Variants in NEXN observed in about 807,000 individuals in gnomAD.
NEXN encodes the protein nexilin.
NEXN carries 65 observed loss-of-function variants against 92.6 expected under a neutral mutation model. The ratio of observed to expected loss-of-function variants is 0.70; its 90% CI spans 0.57 to 0.86. The LOEUF is 0.86. Among genes scored for constraint, NEXN ranks in the 40% least tolerant of loss-of-function variants. The pLI, the probability that NEXN is intolerant of heterozygous loss-of-function variation, is 0.00. For synonymous variants in NEXN, 254 were observed against 242.5 expected (o/e 1.05, Z -0.44); for missense variants, 778 against 771.1 (o/e 1.01, Z -0.11).
At chr1:77,930,876 C>T (rs1366809986) in intron 9 of NEXN, among the ~76,000 whole-genome samples, 1 of 152,328 alleles carries the variant, frequency 6.6e-6, no homozygotes, top group East Asian at 1.9e-4. Context: ...TGTATTGTTA[C>T]CACTTATGGC....
In NEXN at chr1:77,943,205, C is replaced by T. The variant is rs1385176841; in HGVS notation, c.*376C>T. On this transcript the variant is annotated 3_prime_UTR_variant, in exon 13 of 13. Transcript: ENST00000334785. ...TTATAAAGACTGTATTTCCCATAGA[C>T]GTTTACAGCAACTATGTTTAAAAAA... 1 of 227,548 alleles carries T rather than the reference C, an allele frequency of 4.4e-6. No homozygotes were observed. The highest frequency in any genetic ancestry group is 8.9e-6 in the Non-Finnish European group (1 of 112,500). 14.1% of individuals were successfully genotyped at this position (227,548 alleles called of 1,614,324 possible). A position where few individuals can be genotyped will look rare whatever the true frequency, so the allele number is the denominator to read the frequency against.
chr1:77,940,442 T>C (rs184833954), intron 11 of NEXN, among the ~76,000 whole-genome samples: 26 of 152,320 alleles, frequency 1.7e-4, no homozygotes, highest in African/African-American at 6.0e-4. Flanking sequence ...TCAAGAAAAG[T>C]TGACAATTGT....
At chr1:77,915,447 G>A (rs191247111) in intron 1 of NEXN, among the ~76,000 whole-genome samples, 21 of 152,234 alleles carry the variant, frequency 1.4e-4, no homozygotes, top group African/African-American at 5.1e-4. Context: ...GGCTAACACG[G>A]TGAAACCCCG....
intron 11 of NEXN, among the ~76,000 whole-genome samples, chr1:77,937,823 T>C (rs773275768): frequency 2.0e-5 from 3 of 152,096 alleles, no homozygotes; most frequent in African/African-American, 2.4e-5. Context: ...AATGGATGGG[T>C]TGGGGATTGG....
intron 3 of NEXN, 95 bp downstream of exon 3, chr1:77,917,852 A>G (rs1014485413): frequency 1.4e-6 from 2 of 1,415,398 alleles, no homozygotes; most frequent in Non-Finnish European, 2.0e-6. Context: ...CACATTAACT[A>G]TAACTAAAAT....
chr1:77,902,334 T>C (rs910999336), intron 1 of NEXN, among the ~76,000 whole-genome samples: 7 of 152,206 alleles, frequency 4.6e-5, no homozygotes, highest in African/African-American at 1.4e-4. Flanking sequence ...TAAATTTTAT[T>C]TGTACATGTA....
rs544770390 is a variant in NEXN, at chr1:77,933,338, A to T, written c.1110A>T (p.Thr370=). The T allele has an allele frequency of 6.2e-7, 1 of 1,610,474 alleles. No individual in the cohort carries two copies. The highest frequency in any genetic ancestry group is 1.3e-5 in the African/African-American group (1 of 74,846). Residue 370 remains threonine (T), a synonymous_variant, in exon 10 of 13, where the codon ACA becomes ACT. Coordinates refer to ENST00000334785, the MANE Select transcript of NEXN (RefSeq NM_144573.4). The part of the protein sequence containing the change: ...MYKTISQEFL[T]PGKLEINFEE... ...AGACAATCTCTCAAGAATTTCTTAC[A>T]CCGGGAAAACTGGAAATTAATTTTG...
chr1:77,942,570 A>C lies in NEXN; in HGVS notation c.1769A>C (p.Asn590Thr). The change falls in exon 13 of 13, where the codon AAC becomes ACC. Residue 590 changes from asparagine (N) to threonine (T), a missense_variant. Asn to Thr is a moderately conservative substitution (Grantham distance 65). Transcript: ENST00000334785. Reference sequence around the variant, plus strand: ...CCATGGTTCAAGAAGCCTCTTAAAAACACATCAGTTGTAGACAGTGAGCCA... The same window carrying C: ...CCATGGTTCAAGAAGCCTCTTAAAACCACATCAGTTGTAGACAGTGAGCCA... ...GAPWFKKPLK[N>T]TSVVDSEPVR... The C allele has an allele frequency of 6.2e-7, 1 of 1,613,830 alleles. No individual in the cohort carries two copies.
At chr1:77,914,386 T>A (rs1648801749) in intron 1 of NEXN, among the ~76,000 whole-genome samples, 1 of 151,962 alleles carries the variant, frequency 6.6e-6, no homozygotes, top group Non-Finnish European at 1.5e-5. Flanking sequence ...TATCTTCTAC[T>A]CAATTTTGCT....
At chr1:77,932,860 A>G (rs1197768472) in intron 9 of NEXN, among the ~76,000 whole-genome samples, 2 of 152,126 alleles carry the variant, frequency 1.3e-5, no homozygotes, top group East Asian at 3.9e-4. Context: ...TTTTTGTTCA[A>G]TGTGAAACCT....
In NEXN at chr1:77,929,523, G is replaced by A; in HGVS notation, c.1053+19G>A. The A allele has an allele frequency of 6.2e-7, 1 of 1,611,426 alleles. No individual in the cohort carries two copies. Among genetic ancestry groups the A allele is most frequent in the South Asian group, 1.1e-5 (1 of 90,684 alleles). ...AAATATGGTAAGACAGAAGCTAACT[G>A]GAGAATGCTATTAGAATTCACCTTT... On this transcript the variant is annotated intron_variant, in intron 9 of 12. Transcript: ENST00000334785.
intron 12 of NEXN, 68 bp downstream of exon 12, chr1:77,942,276 T>G (rs1651408964): frequency 6.5e-7 from 1 of 1,530,116 alleles, no homozygotes; most frequent in Admixed American, 1.7e-5. Flanking sequence ...TATAATTAGG[T>G]AGGTTAAAAA....
intron 11 of NEXN, among the ~76,000 whole-genome samples, chr1:77,940,763 T>C (rs2102172787): frequency 6.6e-6 from 1 of 152,354 alleles, no homozygotes; most frequent in Non-Finnish European, 1.5e-5. Flanking sequence ...AAGCAAATCA[T>C]GGTTTAACAT....
In NEXN at chr1:77,894,714, C is replaced by CT. The variant is rs531856927; in HGVS notation, c.-53+5963dup. Among the ~76,000 whole-genome samples, 808 of 151,242 alleles carry CT rather than the reference C, an allele frequency of 5.3e-3. 4 individuals carry two copies. Among genetic ancestry groups the CT allele is most frequent in the South Asian group, 0.023 (108 of 4,782 alleles). On this transcript the variant is annotated intron_variant, in intron 1 of 12. Transcript: ENST00000334785. ...ACCAATGCACCCAGCCTATAGTATA[C>CT]TTTTTTTTCCTTTTTTTTAGAGATG...
chr1:77,938,784 A>G (rs1475573675), intron 11 of NEXN, among the ~76,000 whole-genome samples: 1 of 152,144 alleles, frequency 6.6e-6, no homozygotes, highest in Non-Finnish European at 1.5e-5. Context: ...AAGAGGAGAG[A>G]CATTCCAGAT....
Position 77,939,057 on chromosome 1 carries a change from A to C in NEXN, c.1474-2966A>C, listed in dbSNP as rs553016807. Reference sequence around the variant, plus strand: ...CTGGGACCATGGAGGATGAACTGGAAGACAGGCATGAAGTTGGGGCCAAGG... The same window carrying C: ...CTGGGACCATGGAGGATGAACTGGACGACAGGCATGAAGTTGGGGCCAAGG... On this transcript the variant is annotated intron_variant, in intron 11 of 12. Transcript: ENST00000334785. Among the ~76,000 whole-genome samples the C allele has an allele frequency of 1.2e-4, 18 of 152,364 alleles. No homozygotes were observed. In the East Asian group the frequency reaches 3.5e-3, roughly 29 times the overall value.
At chr1:77,927,606 G>GAGTC (rs1307131675) in intron 8 of NEXN, among the ~76,000 whole-genome samples, 2,445 of 148,824 alleles carry the variant, frequency 0.016, 79 homozygotes, top group African/African-American at 0.057. Flanking sequence ...GTGTGTCTGT[G>GAGTC]TGTGTGTGTG....
chr1:77,938,692 T>A (rs1447190014), intron 11 of NEXN, among the ~76,000 whole-genome samples: 1 of 151,848 alleles, frequency 6.6e-6, no homozygotes, highest in African/African-American at 2.4e-5. Context: ...AATTGGGTGG[T>A]CAATATACCT....
intron 2 of NEXN, 118 bp from the exon 3 acceptor site, chr1:77,917,448 A>G (rs1427788857): frequency 2.5e-6 from 2 of 789,570 alleles, no homozygotes; most frequent in African/African-American, 1.8e-5. Flanking sequence ...GGGTTCAAAC[A>G]CATTTCTATT....
Sources: gnomAD v4.1 joint callset for allele counts (sites outside exome capture counted in the v4.1 genomes callset) on GRCh38, gnomAD v4.1.1 for gene constraint, MANE v1.5 for transcripts, NCBI Gene and HGNC (gene_info 2026-07-23, HGNC 2026-07-21) for gene names.